TACC3: variants seen among roughly 807,000 people sequenced by gnomAD.
The protein encoded by TACC3 is transforming acidic coiled-coil-containing protein 3.
Under a neutral mutation model 86.0 loss-of-function variants are expected in TACC3, and 52 were observed. The observed-to-expected ratio is 0.60, with a 90% confidence interval of 0.48 to 0.76. The LOEUF (loss-of-function observed/expected upper bound fraction) is 0.76. Ranked by LOEUF, TACC3 falls within the 30% of genes least tolerant of loss-of-function variation. The pLI is 0.00. For missense variants in TACC3, 1,120 were observed against 1,070.4 expected (o/e 1.05, Z -0.65); for synonymous variants, 512 against 430.0 (o/e 1.19, Z -2.36).
Position 1,744,730 on chromosome 4 carries a change from C to T in TACC3, c.2349C>T (p.Ala783=). 6.2e-7 allele frequency: 1 copy of T among 1,612,618 alleles called. No individual in the cohort carries two copies. Among genetic ancestry groups the T allele is most frequent in the Non-Finnish European group, 8.5e-7 (1 of 1,179,966 alleles). Residue 783 remains alanine, a synonymous_variant, in exon 15 of 16, where the codon GCC becomes GCT. Transcript: ENST00000313288. ...EKLQLANEEI[A]QVRSKAQAEA... ...CCTCCAGGGCAAACGAGGAGATCGCCCAGGTCCGGAGCAAGGCCCAGGCGG... is the reference window on the plus strand; with the variant it reads ...CCTCCAGGGCAAACGAGGAGATCGCTCAGGTCCGGAGCAAGGCCCAGGCGG...
At chr4:1,731,891 C>G (rs1375299472) in intron 6 of TACC3, among the ~76,000 whole-genome samples, 1 of 152,248 alleles carries the variant, frequency 6.6e-6, no homozygotes, top group Non-Finnish European at 1.5e-5. Context: ...GCCTCGGCCT[C>G]CCAAAGTGCT....
intron 6 of TACC3, among the ~76,000 whole-genome samples, chr4:1,732,188 C>T (rs986301093): frequency 2.7e-5 from 4 of 148,092 alleles, no homozygotes; most frequent in African/African-American, 5.0e-5. Flanking sequence ...ACGGCTTGTC[C>T]GTAAGATTGG....
chr4:1,737,725 T>C, intron 10 of TACC3, 23 bp downstream of exon 10: 1 of 1,546,862 alleles, frequency 6.5e-7, no homozygotes, highest in East Asian at 2.4e-5. Context: ...GTAGTAGCTA[T>C]TCCACAGAAC....
chr4:1,740,378 C>A, intron 12 of TACC3: 1 of 378,700 alleles, frequency 2.6e-6, no homozygotes, highest in Non-Finnish European at 4.9e-6. Context: ...GAACACCAGG[C>A]CTCATCTGGC....
intron 6 of TACC3, among the ~76,000 whole-genome samples, chr4:1,733,811 C>T (rs147865798): frequency 1.3e-5 from 2 of 152,252 alleles, no homozygotes; most frequent in East Asian, 1.9e-4. Context: ...AACCTCATCT[C>T]TACTAAAAAT....
chr4:1,736,267 A>G (rs922558827), intron 8 of TACC3, among the ~76,000 whole-genome samples: 4 of 151,952 alleles, frequency 2.6e-5, no homozygotes, highest in South Asian at 4.2e-4. Flanking sequence ...CTACTAAAAT[A>G]CAAAAATTAG....
chr4:1,737,861 C>A, intron 10 of TACC3, 159 bp downstream of exon 10: 1 of 775,970 alleles, frequency 1.3e-6, no homozygotes, highest in Non-Finnish European at 2.2e-6. Context: ...CCTGGCCTGT[C>A]ACTACTGCCC....
intron 1 of TACC3, chr4:1,721,850 C>T (rs62285100): frequency 0.21 from 32,145 of 152,210 alleles, 3,659 homozygotes; most frequent in Non-Finnish European, 0.26. Flanking sequence ...CCGGGCTGGG[C>T]CCCCTGGATG....
In TACC3 at chr4:1,728,355, C is replaced by G. The variant is rs762941623; in HGVS notation, c.953C>G (p.Pro318Arg). The G allele has an allele frequency of 6.2e-7, 1 of 1,613,172 alleles. No individual in the cohort carries two copies. Among genetic ancestry groups the G allele is most frequent in the Non-Finnish European group, 8.5e-7 (1 of 1,180,028 alleles). Residue 318 changes from proline to arginine, a missense_variant, in exon 4 of 16, where the codon CCT (proline) becomes CGT (arginine). Physicochemically the swap from Pro to Arg is moderately radical, Grantham distance 103. Coordinates refer to ENST00000313288, the MANE Select transcript of TACC3 (RefSeq NM_006342.3). ...LVAGRAMTLS[P>R]QEEVAAGQMA... The stretch of plus-strand genomic sequence containing the variant: ...GCTGGCAGGGCCATGACCCTGAGTC[C>G]TCAGGAAGAAGTGGCTGCAGGCCAA...
At chr4:1,739,066 T>C (rs954382934) in intron 10 of TACC3, among the ~76,000 whole-genome samples, 5 of 152,130 alleles carry the variant, frequency 3.3e-5, no homozygotes, top group African/African-American at 9.7e-5. Flanking sequence ...CCCAGTACTT[T>C]GGGAGGCCGA....
intron 4 of TACC3, among the ~76,000 whole-genome samples, chr4:1,729,884 C>T (rs1717912975): frequency 6.6e-6 from 1 of 152,104 alleles, no homozygotes; most frequent in Non-Finnish European, 1.5e-5. Context: ...GTAACGGGTG[C>T]CTTCCCAAGT....
At chr4:1,730,773 T>C (rs1354517874) in intron 4 of TACC3, 114 bp from the exon 5 acceptor site, 4 of 1,215,324 alleles carry the variant, frequency 3.3e-6, no homozygotes, top group Non-Finnish European at 4.8e-6. Context: ...AGCTGAATGT[T>C]CACGTGGCCG....
At position 1,727,761 on chromosome 4, in the gene TACC3, A is replaced by T. The variant is rs1717762017; in HGVS notation, c.359A>T (p.Lys120Ile). The change falls in exon 4 of 16, where the codon AAA becomes ATA. Residue 120 changes from lysine to isoleucine, a missense_variant. Lys to Ile is a moderately radical substitution (Grantham distance 102). Transcript: ENST00000313288. ...AAAACTACTCATGGAATTCTACAGA[A>T]ACCAGTGGAGGCTGACACCGACCTC... is the stretch of plus-strand genomic sequence containing the variant. ...DAKTTHGILQ[K>I]PVEADTDLLG... 6.2e-7 allele frequency: 1 copy of T among 1,609,352 alleles called. No individual in the cohort carries two copies. The highest frequency in any genetic ancestry group is 1.3e-5 in the African/African-American group (1 of 74,800).
chr4:1,723,786 T>C lies in TACC3; in HGVS notation c.221T>C (p.Met74Thr). 1 of 1,613,872 alleles carries C rather than the reference T, an allele frequency of 6.2e-7. No homozygotes were observed. Among genetic ancestry groups the C allele is most frequent in the Non-Finnish European group, 8.5e-7 (1 of 1,180,012 alleles). The change falls in exon 3 of 16, where the codon ATG becomes ACG. Residue 74 changes from methionine to threonine, a missense_variant. By Grantham distance (81) the Met-to-Thr change is moderately conservative (BLOSUM62 -1). Coordinates refer to ENST00000313288, the MANE Select transcript of TACC3 (RefSeq NM_006342.3). The part of the protein sequence containing the change: ...PQTHRILSPS[M>T]ASKLEAPFTQ... ...ACGCACAGGATTCTAAGTCCTAGCATGGCCAGCAAACTTGAGGCTCCTTTC... is the reference window on the plus strand; with the variant it reads ...ACGCACAGGATTCTAAGTCCTAGCACGGCCAGCAAACTTGAGGCTCCTTTC...
At chr4:1,726,290 C>G (rs1717684292) in intron 3 of TACC3, among the ~76,000 whole-genome samples, 1 of 152,256 alleles carries the variant, frequency 6.6e-6, no homozygotes, top group Non-Finnish European at 1.5e-5. Flanking sequence ...TCAGGTCCTT[C>G]TGTGCCTGCA....
At chr4:1,729,604 T>C (rs1459463085) in intron 4 of TACC3, among the ~76,000 whole-genome samples, 1 of 152,168 alleles carries the variant, frequency 6.6e-6, no homozygotes, top group Non-Finnish European at 1.5e-5. Flanking sequence ...TTCAAAGACT[T>C]TAGCACTTTG....
chr4:1,724,604 C>T (rs527474874), intron 3 of TACC3, among the ~76,000 whole-genome samples: 18 of 151,926 alleles, frequency 1.2e-4, no homozygotes, highest in South Asian at 6.2e-4. Context: ...GATGGCGAGG[C>T]GGTGTCTGTC....
In TACC3 at chr4:1,740,372, A is replaced by T. The variant is rs538020090; in HGVS notation, c.2062+370A>T. 38 of 389,734 alleles carry T rather than the reference A, an allele frequency of 9.8e-5. No individual in the cohort carries two copies. In the East Asian group the frequency reaches 1.6e-3, roughly 16 times the overall value. 24.1% of individuals were successfully genotyped at this position (389,734 alleles called of 1,614,324 possible). A position where few individuals can be genotyped will look rare whatever the true frequency, so the allele number is the denominator to read the frequency against. The stretch of plus-strand genomic sequence containing the variant: ...TGTAGGTGTCTGGCAGGACGGGAAC[A>T]CCAGGCCTCATCTGGCCTCCCAAAA... On this transcript the variant is annotated intron_variant, in intron 12 of 15. Coordinates refer to ENST00000313288, the MANE Select transcript of TACC3 (RefSeq NM_006342.3).
rs901814528 is a variant in TACC3, at chr4:1,740,858, G to A, written c.2095G>A (p.Ala699Thr). 1.2e-6 allele frequency: 2 copies of A among 1,611,938 alleles called. No homozygotes were observed. The highest frequency in any genetic ancestry group is 3.4e-5 in the Admixed American group (2 of 59,596). ...EVQKQKELSK[A>T]EIQKVLKEKD... ...TCAGAAGCAGAAGGAACTTTCCAAA[G>A]CTGAAATCCAGAAAGTTCTAAAAGA... Residue 699 changes from alanine (A) to threonine (T), a missense_variant, in exon 13 of 16, where the codon GCT becomes ACT. Physicochemically the swap from Ala to Thr is moderately conservative, Grantham distance 58 (BLOSUM62 0). Transcript: ENST00000313288.
Sources: gnomAD v4.1 joint callset for allele counts (sites outside exome capture counted in the v4.1 genomes callset) on GRCh38, gnomAD v4.1.1 for gene constraint, MANE v1.5 for transcripts, NCBI Gene and HGNC (gene_info 2026-07-23, HGNC 2026-07-21) for gene names.